The following LAD1 variants were observed in gnomAD, a reference collection of about 807,000 sequenced individuals.
The protein encoded by LAD1 is ladinin-1.
Under a neutral mutation model 54.2 loss-of-function variants are expected in LAD1, and 53 were observed. That is an observed-to-expected ratio of 0.98 (90% CI 0.78 to 1.23). LAD1 has a LOEUF of 1.23. LAD1 is among the 50% of genes most tolerant of loss of function. LAD1 has a pLI of 0.00. For synonymous variants in LAD1, 231 were observed against 257.7 expected, an observed-to-expected ratio of 0.90 and a Z score of 0.99; for missense variants, 637 against 653.3, an observed-to-expected ratio of 0.98 and a Z score of 0.27.
intron 1 of LAD1, among the ~76,000 whole-genome samples, chr1:201,391,903 G>C (rs947812837): frequency 6.6e-6 from 1 of 152,200 alleles, no homozygotes; most frequent in South Asian, 2.1e-4. Context: ...TGCATTGTCT[G>C]CAAATCAGGT....
intron 3 of LAD1, among the ~76,000 whole-genome samples, 185 bp downstream of exon 3, chr1:201,386,150 C>T (rs1436660797): frequency 6.6e-6 from 1 of 152,198 alleles, no homozygotes; most frequent in Non-Finnish European, 1.5e-5. Context: ...AGCAGCCTGC[C>T]CCATCTCAGC....
In LAD1 at chr1:201,385,869, A is replaced by G. The variant is rs145150672; in HGVS notation, c.1027-64T>C. 1,799 of 1,187,318 alleles carry G rather than the reference A, an allele frequency of 1.5e-3. 17 individuals carry two copies. The African/African-American group carries it at 0.024, about 16-fold the overall frequency. The allele number at this position is 1,187,318 out of a possible 1,614,324, so 73.5% of individuals were successfully genotyped here. ...GGCCCATCAAGCCGGGGCAGCCATA[A>G]ACCCCATGGCTCACCCCAGGAGCTG... On this transcript the variant is annotated intron_variant, in intron 3 of 9. Transcript: ENST00000391967.
At chr1:201,385,849 A>G in intron 3 of LAD1, 44 bp from the exon 4 acceptor site, 2 of 1,441,094 alleles carry the variant, frequency 1.4e-6, no homozygotes, top group South Asian at 1.1e-5. Context: ...TCTAGGGCCC[A>G]TCAAGCCGGG....
chr1:201,398,188 A>G (rs1191680342), intron 1 of LAD1, among the ~76,000 whole-genome samples: 4 of 152,174 alleles, frequency 2.6e-5, no homozygotes, highest in Non-Finnish European at 4.4e-5. Flanking sequence ...AAGGGAGGGC[A>G]GGAGCGGGGT....
At chr1:201,382,903 G>T in intron 7 of LAD1, 164 bp from the exon 8 acceptor site, 1 of 1,001,094 alleles carries the variant, frequency 1.0e-6, no homozygotes, top group Non-Finnish European at 1.5e-6. Context: ...GGAGCTGTGT[G>T]CCCAGCTAAG....
chr1:201,381,835 A>G lies in LAD1; in HGVS notation c.*53T>C. 6.3e-7 allele frequency: 1 copy of G among 1,593,190 alleles called. No homozygotes were observed. The highest frequency in any genetic ancestry group is 8.6e-7 in the Non-Finnish European group (1 of 1,161,018). ...CTGCTGTGAGAGGCAGGGGCCTGGC[A>G]TGAGGGAGGTCCCTTGAGACGAAGA... On this transcript the variant is annotated 3_prime_UTR_variant, in exon 10 of 10. Coordinates refer to ENST00000391967, the MANE Select transcript of LAD1 (RefSeq NM_005558.4).
At chr1:201,385,675 C>A in intron 4 of LAD1, 26 bp downstream of exon 4, 1 of 1,561,300 alleles carries the variant, frequency 6.4e-7, no homozygotes, top group Non-Finnish European at 8.8e-7. Flanking sequence ...CAGTGGCTCG[C>A]AGACCAGGGT....
chr1:201,389,750 A>G (rs941008091), intron 1 of LAD1, among the ~76,000 whole-genome samples: 4 of 151,822 alleles, frequency 2.6e-5, no homozygotes, highest in Admixed American at 2.0e-4. Context: ...TGAACCCAGG[A>G]GGCAGAGGTT....
intron 1 of LAD1, among the ~76,000 whole-genome samples, chr1:201,390,502 A>G (rs1453057370): frequency 1.3e-5 from 2 of 152,060 alleles, no homozygotes; most frequent in Admixed American, 1.3e-4. Flanking sequence ...GTGCCATTGC[A>G]CTCCAGCCTG....
chr1:201,396,208 T>C (rs1662285999), intron 1 of LAD1, among the ~76,000 whole-genome samples: 2 of 151,618 alleles, frequency 1.3e-5, no homozygotes, highest in African/African-American at 4.9e-5. Context: ...TGCCTACCAC[T>C]CCTTCCCTCT....
At chr1:201,382,504 T>G in intron 8 of LAD1, 149 bp downstream of exon 8, 1 of 750,100 alleles carries the variant, frequency 1.3e-6, no homozygotes, top group Non-Finnish European at 2.3e-6. Flanking sequence ...TATTCCCGAC[T>G]GCCTCCACTC....
chr1:201,398,043 C>T (rs1191172002), intron 1 of LAD1, among the ~76,000 whole-genome samples: 1 of 152,184 alleles, frequency 6.6e-6, no homozygotes, highest in Non-Finnish European at 1.5e-5. Context: ...CTCTCTAGAG[C>T]CCATGGGCTG....
chr1:201,384,923 G>A, intron 4 of LAD1, 88 bp from the exon 5 acceptor site: 5 of 1,277,128 alleles, frequency 3.9e-6, no homozygotes, highest in Non-Finnish European at 5.7e-6. Flanking sequence ...CTCAAGACAT[G>A]TCCTCCTCCT....
At chr1:201,388,290 C>A (rs1383025676) in intron 2 of LAD1, among the ~76,000 whole-genome samples, 1 of 151,946 alleles carries the variant, frequency 6.6e-6, no homozygotes, top group Non-Finnish European at 1.5e-5. Flanking sequence ...ACTCGGGAGG[C>A]TGAGGCAAAA....
chr1:201,381,992 A>G lies in LAD1; in HGVS notation c.1549-99T>C, dbSNP rs1269862166. ...GAAGGCATCCCTTTGCCCAAGCCCC[A>G]CACCCACAAGGAGTCAGAGCCCTGT... On this transcript the variant is annotated intron_variant, in intron 9 of 9. Transcript: ENST00000391967. 1.7e-5 allele frequency: 22 copies of G among 1,322,170 alleles called. No homozygotes were observed. The South Asian group carries it at 2.5e-4, about 15-fold the overall frequency. 81.9% of individuals were successfully genotyped at this position (1,322,170 alleles called of 1,614,324 possible). A position where few individuals can be genotyped will look rare whatever the true frequency, so the allele number is the denominator to read the frequency against.
chr1:201,390,892 G>A (rs1007586168), intron 1 of LAD1, among the ~76,000 whole-genome samples: 44 of 152,196 alleles, frequency 2.9e-4, no homozygotes, highest in African/African-American at 6.3e-4. Flanking sequence ...GACTAGGAAC[G>A]TGGAAGGGCG....
At chr1:201,391,248 C>T (rs1662191863) in intron 1 of LAD1, 1 of 428,938 alleles carries the variant, frequency 2.3e-6, no homozygotes. Flanking sequence ...GGGGACCCCA[C>T]ACTCTACTTT....
rs1343885730 is a variant in LAD1, at chr1:201,386,704, T to C, written c.657A>G (p.Ala219=). The stretch of plus-strand genomic sequence containing the variant: ...CTGAGCTGTTTCTTTTCTCTGACAC[T>C]GCTATCTTCTCTGATAGAGATGTCT... ...SEKTSLSEKI[A]VSEKRNSSEK... Residue 219 remains alanine (A), a synonymous_variant, in exon 3 of 10, where the codon GCA becomes GCG. Transcript: ENST00000391967. 1 of 1,614,110 alleles carries C rather than the reference T, an allele frequency of 6.2e-7. No individual in the cohort carries two copies. Among genetic ancestry groups the C allele is most frequent in the Non-Finnish European group, 8.5e-7 (1 of 1,180,040 alleles).
intron 3 of LAD1, among the ~76,000 whole-genome samples, chr1:201,386,052 C>T (rs531178247): frequency 1.3e-4 from 20 of 152,144 alleles, no homozygotes; most frequent in Non-Finnish European, 2.4e-4. Flanking sequence ...ACTAGTCTGC[C>T]GGGGTCCTGG....
Sources: allele counts gnomAD v4.1 joint callset (sites outside exome capture counted in the v4.1 genomes callset), GRCh38; gene constraint gnomAD v4.1.1; transcripts MANE v1.5; gene names NCBI Gene and HGNC (gene_info 2026-07-23, HGNC 2026-07-21).